Variants in NPHP4 observed in about 807,000 individuals in gnomAD.
The protein encoded by NPHP4 is nephrocystin 4, also known as nephrocystin-4.
NPHP4 carries 151 observed loss-of-function variants against 155.8 expected under a neutral mutation model. That is an observed-to-expected ratio of 0.97 (90% CI 0.85 to 1.11). The LOEUF (loss-of-function observed/expected upper bound fraction) is 1.11. Ranked by LOEUF, NPHP4 falls within the 50% of genes least tolerant of loss-of-function variation. The pLI, the probability that NPHP4 is intolerant of heterozygous loss-of-function variation, is 0.00. For missense variants in NPHP4, 1,956 were observed against 1,925.7 expected (o/e 1.02, Z -0.29); for synonymous variants, 845 against 816.8 (o/e 1.03, Z -0.59).
chr1:5,924,975 A>G (rs1645924048), intron 11 of NPHP4, among the ~76,000 whole-genome samples: 1 of 152,168 alleles, frequency 6.6e-6, no homozygotes, highest in Non-Finnish European at 1.5e-5. Flanking sequence ...ATTTAAACAC[A>G]TGAAAATTTC....
At chr1:5,955,146 G>C (rs763596066) in intron 6 of NPHP4, among the ~76,000 whole-genome samples, 32 of 152,134 alleles carry the variant, frequency 2.1e-4, no homozygotes, top group Non-Finnish European at 3.4e-4. Context: ...AGCCTCACTA[G>C]TCATCAGGGA....
intron 11 of NPHP4, among the ~76,000 whole-genome samples, chr1:5,915,515 A>T (rs563441615): frequency 1.3e-5 from 2 of 152,314 alleles, no homozygotes; most frequent in African/African-American, 4.8e-5. Context: ...GGAATGGGAA[A>T]ATGAACAAAA....
At chr1:5,937,773 G>A (rs1344026377) in intron 9 of NPHP4, among the ~76,000 whole-genome samples, 8 of 152,218 alleles carry the variant, frequency 5.3e-5, no homozygotes, top group Non-Finnish European at 8.8e-5. Flanking sequence ...AAACTACTGC[G>A]TCAAAACATC....
At chr1:5,968,623 C>T (rs1198254674) in intron 4 of NPHP4, among the ~76,000 whole-genome samples, 1 of 151,658 alleles carries the variant, frequency 6.6e-6, no homozygotes, top group East Asian at 1.9e-4. Flanking sequence ...AAAGGCAAAC[C>T]CCCAAGCAAG....
At chr1:5,896,003 G>T (rs1212712426) in intron 16 of NPHP4, among the ~76,000 whole-genome samples, 1 of 152,212 alleles carries the variant, frequency 6.6e-6, no homozygotes, top group Non-Finnish European at 1.5e-5. Context: ...CCAAACTTGG[G>T]CTATGACATT....
At chr1:5,948,681 G>C (rs867948351) in intron 7 of NPHP4, among the ~76,000 whole-genome samples, 19 of 152,176 alleles carry the variant, frequency 1.2e-4, no homozygotes, top group Middle Eastern at 3.4e-3. Context: ...CTTCCCTGGG[G>C]CCCAATTCCC....
chr1:5,988,106 T>G lies in NPHP4; in HGVS notation c.-38-1779A>C, dbSNP rs913310536. ...AACAATGCGTAATGGTACAAAATCCTGCAAGAAGAAAACATCCACCCAAAG... is the reference window on the plus strand; with the variant it reads ...AACAATGCGTAATGGTACAAAATCCGGCAAGAAGAAAACATCCACCCAAAG... On this transcript the variant is annotated intron_variant, in intron 1 of 29. Coordinates refer to ENST00000378156, the MANE Select transcript of NPHP4 (RefSeq NM_015102.5). Among the ~76,000 whole-genome samples the G allele has an allele frequency of 1.2e-4, 18 of 152,336 alleles. No individual in the cohort carries two copies. The East Asian group carries it at 3.3e-3, about 28-fold the overall frequency.
At chr1:5,877,744 T>C (rs1642771615) in intron 19 of NPHP4, among the ~76,000 whole-genome samples, 1 of 152,160 alleles carries the variant, frequency 6.6e-6, no homozygotes, top group Non-Finnish European at 1.5e-5. Context: ...GGGCAGGCGA[T>C]GAAGCTCAGA....
At chr1:5,938,970 A>G (rs1295233283) in intron 9 of NPHP4, among the ~76,000 whole-genome samples, 1 of 152,248 alleles carries the variant, frequency 6.6e-6, no homozygotes, top group African/African-American at 2.4e-5. Flanking sequence ...TGTATCTTGT[A>G]TATGGAAATA....
intron 1 of NPHP4, among the ~76,000 whole-genome samples, chr1:5,990,755 G>A (rs1656127132): frequency 6.6e-6 from 1 of 152,138 alleles, no homozygotes; most frequent in Non-Finnish European, 1.5e-5. Flanking sequence ...AGGCCCAGAG[G>A]GAAAAAGTAA....
At chr1:5,885,713 C>G (rs916927914) in intron 18 of NPHP4, among the ~76,000 whole-genome samples, 2 of 152,238 alleles carry the variant, frequency 1.3e-5, no homozygotes, top group African/African-American at 4.8e-5. Flanking sequence ...GGTTCTGTCC[C>G]GTGCGGTAAC....
chr1:5,939,259 A>G (rs975204162), intron 9 of NPHP4, among the ~76,000 whole-genome samples: 1 of 152,264 alleles, frequency 6.6e-6, no homozygotes, highest in African/African-American at 2.4e-5. Context: ...AGAAATTTCC[A>G]TAACCTGGTG....
rs1165631288 is a variant in NPHP4, at chr1:5,904,782, T to C, written c.1978A>G (p.Thr660Ala). The change falls in exon 16 of 30, where the codon ACA becomes GCA. Residue 660 changes from threonine (T) to alanine (A), a missense_variant. By Grantham distance (58) the Thr-to-Ala change is moderately conservative. Transcript: ENST00000378156. ...AAATACACAGTCTTTGGCCATGATG[T>C]TCCTCGGCAGTCCTGGGCCACTCTG... The part of the protein sequence containing the change: ...FSRVAQDCRG[T>A]SWPKTVYFTF... The C allele has an allele frequency of 6.2e-7, 1 of 1,613,950 alleles. No homozygotes were observed. Among genetic ancestry groups the C allele is most frequent in the South Asian group, 1.1e-5 (1 of 91,084 alleles).
At chr1:5,942,530 CAAAAAAAAA>C (rs71568632) in intron 9 of NPHP4, among the ~76,000 whole-genome samples, 3 of 19,734 alleles carry the variant, frequency 1.5e-4, no homozygotes, top group Non-Finnish European at 3.1e-4. Context: ...GACTCCATCT[CAAAAAAAAA>C]AAAAAAAAAA....
rs749844096 is a variant in NPHP4, at chr1:5,948,192, G to A, written c.870C>T (p.Gly290=). 1.6e-5 allele frequency: 25 copies of A among 1,610,220 alleles called. No individual in the cohort carries two copies. The highest frequency in any genetic ancestry group is 1.3e-4 in the African/African-American group (10 of 74,856). Residue 290 remains glycine (G), a synonymous_variant, in exon 8 of 30, where the codon GGC becomes GGT. Transcript: ENST00000378156. ...GCACGAAGCCCAGACCATTGTGCACGCCCACACGCAGGCGCCGCTCCAGGA... is the reference window on the plus strand; with the variant it reads ...GCACGAAGCCCAGACCATTGTGCACACCCACACGCAGGCGCCGCTCCAGGA... ...LEILERRLRV[G]VHNGLGFVQR... is the part of the protein sequence containing the mutation.
At position 5,890,905 on chromosome 1, in the gene NPHP4, G is replaced by C. The variant is rs773994262; in HGVS notation, c.2267C>G (p.Ser756Cys). 2 of 1,610,610 alleles carry C rather than the reference G, an allele frequency of 1.2e-6. No homozygotes were observed. The highest frequency in any genetic ancestry group is 2.7e-5 in the African/African-American group (2 of 74,876). ...TLQIDVWDGD[S>C]LLLIGSAAVQ... ...GGCAGCAGATCCGATGAGCAGCAGG[G>C]AGTCTCCGTCCCAGACGTCAATCTG... The change falls in exon 17 of 30, where the codon TCC becomes TGC. Residue 756 changes from serine to cysteine, a missense_variant. Transcript: ENST00000378156. This position sits in a 1 kb window ranked among gnomAD's most constrained non-coding sequence, Gnocchi z 4.9.
intron 9 of NPHP4, among the ~76,000 whole-genome samples, chr1:5,945,003 C>G (rs1010118463): frequency 6.6e-6 from 1 of 152,124 alleles, no homozygotes; most frequent in Non-Finnish European, 1.5e-5. Flanking sequence ...ATAGCCTCAC[C>G]CGCACCCGCA....
At chr1:5,898,890 C>T (rs1644529941) in intron 16 of NPHP4, among the ~76,000 whole-genome samples, 6 of 152,074 alleles carry the variant, frequency 3.9e-5, no homozygotes, top group Admixed American at 3.9e-4. Context: ...GGGCAGGGGA[C>T]CTGAACACAT....
chr1:5,910,387 A>G lies in NPHP4; in HGVS notation c.1442-1174T>C, dbSNP rs1645120060. 6.6e-6 allele frequency among the ~76,000 whole-genome samples: 1 copy of G among 152,042 alleles called. No individual in the cohort carries two copies. The highest frequency in any genetic ancestry group is 6.5e-5 in the Admixed American group (1 of 15,270). ...GATAACCCAGACCTCCGGAGAAATC[A>G]GGCTTCCCCCATGGCCCTGTCCCAC... On this transcript the variant is annotated intron_variant, in intron 11 of 29. Transcript: ENST00000378156. The surrounding 1 kb of genome is among the most constrained non-coding windows in gnomAD (Gnocchi z 5.4).
Sources: gnomAD v4.1 joint callset for allele counts (sites outside exome capture counted in the v4.1 genomes callset) on GRCh38, gnomAD v4.1.1 for gene constraint, Gnocchi (gnomAD v3.1) non-coding constraint, MANE v1.5 for transcripts, NCBI Gene and HGNC (gene_info 2026-07-23, HGNC 2026-07-21) for gene names.